The following IPO8 variants were observed in gnomAD, a reference collection of about 807,000 sequenced individuals.
IPO8 encodes the protein importin 8.
IPO8 carries 65 observed loss-of-function variants against 141.2 expected under a neutral mutation model. The observed-to-expected ratio is 0.46, with a 90% CI of 0.38 to 0.57. The LOEUF (loss-of-function observed/expected upper bound fraction) is 0.57. Among genes scored for constraint, IPO8 ranks in the 20% least tolerant of loss-of-function variants. The probability of loss-of-function intolerance (pLI) is 0.00; values close to 1 mark genes in which losing one functional copy is unlikely to be tolerated. For missense variants in IPO8, 980 were observed against 1,246.8 expected (o/e 0.79, Z 3.22); for synonymous variants, 411 against 420.3 (o/e 0.98, Z 0.27).
chr12:30,642,987 A>G (rs535716491), intron 20 of IPO8, among the ~76,000 whole-genome samples: 52 of 152,324 alleles, frequency 3.4e-4, no homozygotes, highest in Non-Finnish European at 5.3e-4. Context: ...AAACAACATA[A>G]TAAAACATTT....
chr12:30,652,799 T>C (rs1466902252), intron 18 of IPO8, among the ~76,000 whole-genome samples, 168 bp downstream of exon 18: 1 of 152,056 alleles, frequency 6.6e-6, no homozygotes, highest in East Asian at 1.9e-4. Context: ...TCTGCCTATA[T>C]ACCTAGGGCT....
Position 30,695,314 on chromosome 12 carries a change from G to A in IPO8, c.84+250C>T, listed in dbSNP as rs2053327737. Reference sequence around the variant, plus strand: ...GCGGACCAAGTAGGCAGAACAAACTGCCCTGGAGAAGGGAGACGACACGAA... The same window carrying A: ...GCGGACCAAGTAGGCAGAACAAACTACCCTGGAGAAGGGAGACGACACGAA... On this transcript the variant is annotated intron_variant, in intron 1 of 24. Transcript: ENST00000256079. This position sits in a 1 kb window ranked among gnomAD's most constrained non-coding sequence, Gnocchi z 4.2. Among the ~76,000 whole-genome samples the A allele has an allele frequency of 2.6e-5, 4 of 152,238 alleles. No individual in the cohort carries two copies. Among genetic ancestry groups the A allele is most frequent in the Admixed American group, 2.6e-4 (4 of 15,290 alleles).
At chr12:30,643,272 G>T (rs2052598395) in intron 20 of IPO8, among the ~76,000 whole-genome samples, 1 of 152,116 alleles carries the variant, frequency 6.6e-6, no homozygotes, top group Non-Finnish European at 1.5e-5. Flanking sequence ...CATGCCATTT[G>T]CACTCTAGCC....
chr12:30,654,569 A>G (rs2052772791), intron 17 of IPO8, among the ~76,000 whole-genome samples: 1 of 152,126 alleles, frequency 6.6e-6, no homozygotes, highest in East Asian at 1.9e-4. Context: ...AACTGAATGG[A>G]TATTTCTCAA....
intron 16 of IPO8, among the ~76,000 whole-genome samples, chr12:30,657,568 C>CA (rs927091676): frequency 6.6e-6 from 1 of 152,002 alleles, no homozygotes; most frequent in Admixed American, 6.6e-5. Context: ...ATTATGTGTG[C>CA]AAAATGACAC....
intron 5 of IPO8, among the ~76,000 whole-genome samples, chr12:30,679,885 C>T (rs1192818995): frequency 6.6e-6 from 1 of 152,146 alleles, no homozygotes; most frequent in Non-Finnish European, 1.5e-5. Flanking sequence ...CCAAATCTTT[C>T]AAGGATTTGA....
intron 16 of IPO8, among the ~76,000 whole-genome samples, chr12:30,657,483 C>T (rs2052816486): frequency 6.6e-6 from 1 of 152,126 alleles, no homozygotes; most frequent in South Asian, 2.1e-4. Flanking sequence ...AAGTTGGCAA[C>T]ATCCTTCAAA....
chr12:30,669,029 A>G (rs903886245), intron 10 of IPO8, among the ~76,000 whole-genome samples, 154 bp downstream of exon 10: 1 of 152,226 alleles, frequency 6.6e-6, no homozygotes, highest in Admixed American at 6.5e-5. Context: ...CTAGTTCAAC[A>G]AAATAACATC....
intron 4 of IPO8, among the ~76,000 whole-genome samples, chr12:30,680,863 G>A (rs547163210): frequency 2.6e-5 from 4 of 152,088 alleles, no homozygotes; most frequent in Non-Finnish European, 4.4e-5. Context: ...ATTTAGACTA[G>A]TTTAAAACAA....
chr12:30,694,521 C>G (rs1457746644), intron 1 of IPO8, among the ~76,000 whole-genome samples: 2 of 147,850 alleles, frequency 1.4e-5, no homozygotes, highest in Admixed American at 1.3e-4. Flanking sequence ...AGTCACACTT[C>G]AGTCACACTT....
intron 20 of IPO8, among the ~76,000 whole-genome samples, chr12:30,643,296 C>A (rs1379116835): frequency 6.6e-6 from 1 of 152,108 alleles, no homozygotes; most frequent in Non-Finnish European, 1.5e-5. Flanking sequence ...TGAGTCAAAC[C>A]TGAATCCAAG....
chr12:30,654,232 T>G (rs1479268062), intron 17 of IPO8, among the ~76,000 whole-genome samples: 1 of 151,480 alleles, frequency 6.6e-6, no homozygotes, highest in East Asian at 1.9e-4. Context: ...AGCTCTAAGA[T>G]CTGACATGAT....
intron 15 of IPO8, among the ~76,000 whole-genome samples, chr12:30,661,554 A>T (rs374000481): frequency 1.3e-5 from 2 of 152,138 alleles, no homozygotes; most frequent in African/African-American, 4.8e-5. Flanking sequence ...AAGTAATAGT[A>T]AAAAGAAAAA....
At position 30,655,062 on chromosome 12, in the gene IPO8, G is replaced by A. The variant is rs1263603840; in HGVS notation, c.1948+1622C>T. Among the ~76,000 whole-genome samples, 17 of 151,962 alleles carry A rather than the reference G, an allele frequency of 1.1e-4. 1 individual carries two copies. Among genetic ancestry groups the A allele is most frequent in the Admixed American group, 1.1e-3 (17 of 15,258 alleles). On this transcript the variant is annotated intron_variant, in intron 17 of 24. Coordinates refer to ENST00000256079, the MANE Select transcript of IPO8 (RefSeq NM_006390.4). ...CCTATTATTTGTAACAACAGAGATG[G>A]ACACACTATGTTAAGTGAAATAAGC...
At chr12:30,694,634 T>C (rs2053320184) in intron 1 of IPO8, among the ~76,000 whole-genome samples, 1 of 152,242 alleles carries the variant, frequency 6.6e-6, no homozygotes, top group Non-Finnish European at 1.5e-5. Context: ...GTAATTTGCA[T>C]AATTTGTAAG....
chr12:30,681,930 A>G, intron 3 of IPO8, 113 bp from the exon 4 acceptor site: 1 of 813,114 alleles, frequency 1.2e-6, no homozygotes, highest in Non-Finnish European at 1.8e-6. Context: ...TGTATTATAT[A>G]CTTACATATG....
At chr12:30,635,254 G>C (rs1458937896) in intron 22 of IPO8, among the ~76,000 whole-genome samples, 1 of 151,944 alleles carries the variant, frequency 6.6e-6, no homozygotes, top group Non-Finnish European at 1.5e-5. Context: ...GGTATCTATT[G>C]TACAGCATGG....
chr12:30,641,493 C>CTTTTT (rs58656525), intron 20 of IPO8, among the ~76,000 whole-genome samples: 13 of 135,050 alleles, frequency 9.6e-5, no homozygotes, highest in South Asian at 4.9e-4. Flanking sequence ...TAAGCTATTT[C>CTTTTT]TTTTTTTTTT....
At chr12:30,660,691 T>C (rs1232820336) in intron 16 of IPO8, among the ~76,000 whole-genome samples, 3 of 152,196 alleles carry the variant, frequency 2.0e-5, no homozygotes, top group African/African-American at 2.4e-5. Flanking sequence ...CATTTATTCC[T>C]TTCCATTTTT....
Sources: allele counts gnomAD v4.1 joint callset (sites outside exome capture counted in the v4.1 genomes callset), GRCh38; gene constraint gnomAD v4.1.1; non-coding constraint Gnocchi (gnomAD v3.1); transcripts MANE v1.5; gene names NCBI Gene and HGNC (gene_info 2026-07-23, HGNC 2026-07-21).